ZNF536: variants seen among roughly 807,000 people sequenced by gnomAD.
ZNF536 encodes zinc finger protein 536.
Under a neutral mutation model 84.5 loss-of-function variants are expected in ZNF536, and 13 were observed. The observed-to-expected ratio is 0.15, with a 90% CI of 0.10 to 0.24. The LOEUF (loss-of-function observed/expected upper bound fraction) is 0.24, where lower values mean the gene tolerates loss of function less well. Ranked by LOEUF, ZNF536 falls within the 10% of genes least tolerant of loss-of-function variation. The pLI, the probability that ZNF536 is intolerant of heterozygous loss-of-function variation, is 1.00. For synonymous variants in ZNF536, 811 were observed against 742.5 expected (o/e 1.09, Z -1.50); for missense variants, 1,536 against 1,747.5 (o/e 0.88, Z 2.16).
chr19:30,426,445 T>G (rs1223502289), intron 1 of ZNF536, among the ~76,000 whole-genome samples: 1 of 152,184 alleles, frequency 6.6e-6, no homozygotes, highest in Non-Finnish European at 1.5e-5. Flanking sequence ...GGGAAGGTTT[T>G]GGTCCTTATT....
intron 2 of ZNF536, among the ~76,000 whole-genome samples, chr19:30,343,925 T>G (rs2047645116): frequency 6.6e-6 from 1 of 152,072 alleles, no homozygotes; most frequent in Non-Finnish European, 1.5e-5. Context: ...CCTGTTTCAG[T>G]CCTTAAAAAA....
upstream of ZNF536, among the ~76,000 whole-genome samples, chr19:30,370,984 G>C (rs917683953): frequency 6.6e-6 from 1 of 152,192 alleles, no homozygotes; most frequent in Non-Finnish European, 1.5e-5. Flanking sequence ...TCAAGAAGCT[G>C]TTATGGTATT....
At chr19:30,226,196 G>A (rs1047405061), upstream of ZNF536, among the ~76,000 whole-genome samples, 190 of 151,356 alleles carry the variant, frequency 1.3e-3, no homozygotes, top group African/African-American at 4.5e-3. This position sits in a 1 kb window ranked among gnomAD's most constrained non-coding sequence, Gnocchi z 4.6. Context: ...CTCAGGCCCC[G>A]GGAAACTTTC....
At position 30,445,407 on chromosome 19, in the gene ZNF536, T is replaced by A. The variant is rs1404177118; in HGVS notation, c.1845T>A (p.Thr615=). 1 of 1,613,856 alleles carries A rather than the reference T, an allele frequency of 6.2e-7. No individual in the cohort carries two copies. The highest frequency in any genetic ancestry group is 8.5e-7 in the Non-Finnish European group (1 of 1,179,990). Residue 615 remains threonine, a synonymous_variant, in exon 2 of 5, where the codon ACT becomes ACA. Coordinates refer to ENST00000355537, the MANE Select transcript of ZNF536 (RefSeq NM_014717.3). This position sits in a 1 kb window ranked among gnomAD's most constrained non-coding sequence, Gnocchi z 4.5. Reference sequence around the variant, plus strand: ...TTTTGTCACACGGGCTGAACCAGACTCTCGAGTATAACCTGCAGGGTCCTG... The same window carrying A: ...TTTTGTCACACGGGCTGAACCAGACACTCGAGTATAACCTGCAGGGTCCTG... The part of the protein sequence containing the change: ...RDFLSHGLNQ[T]LEYNLQGPGN...
intron 1 of ZNF536, among the ~76,000 whole-genome samples, chr19:30,250,667 A>G (rs915588176): frequency 3.9e-5 from 6 of 152,188 alleles, no homozygotes; most frequent in Admixed American, 2.0e-4. Context: ...GAGCTGAGTA[A>G]TGTGCAGACA....
chr19:30,491,201 A>G (rs2054496012), intron 2 of ZNF536, among the ~76,000 whole-genome samples: 1 of 152,190 alleles, frequency 6.6e-6, no homozygotes. Flanking sequence ...ACTCCCCATA[A>G]ACTCCTTTAA....
chr19:30,682,728 C>T (rs2051025975), intron 1 of ZNF536, among the ~76,000 whole-genome samples: 1 of 152,104 alleles, frequency 6.6e-6, no homozygotes, highest in African/African-American at 2.4e-5. Flanking sequence ...GGATGAAGAA[C>T]GGGGTGGTGG....
intron 2 of ZNF536, among the ~76,000 whole-genome samples, chr19:30,468,175 C>T (rs1400751523): frequency 6.6e-6 from 1 of 152,232 alleles, no homozygotes; most frequent in Non-Finnish European, 1.5e-5. Flanking sequence ...TCAGACCTCC[C>T]CTTCAAGCTT....
rs1244487510 is a variant in ZNF536, at chr19:30,258,510, G to A, written c.-189-25562G>A. Among the ~76,000 whole-genome samples the A allele has an allele frequency of 2.0e-5, 3 of 152,294 alleles. No individual in the cohort carries two copies. In the East Asian group the frequency reaches 5.8e-4, roughly 29 times the overall value. The stretch of plus-strand genomic sequence containing the variant: ...TGAACATGCCTCTGGCATAGAAACG[G>A]AAAGTACATTAACTGTGTTATGGAA... On this transcript the variant is annotated intron_variant, in intron 1 of 5. Transcript: ENST00000585628.
chr19:30,654,620 G>A (rs56226925), intron 1 of ZNF536, among the ~76,000 whole-genome samples: 36,067 of 152,104 alleles, frequency 0.24, 5,304 homozygotes, highest in African/African-American at 0.41. Flanking sequence ...TTCCCTGGGC[G>A]GTGGCTATCT....
At chr19:30,541,173 G>A (rs112919263) in intron 3 of ZNF536, among the ~76,000 whole-genome samples, 14 of 152,320 alleles carry the variant, frequency 9.2e-5, no homozygotes, top group African/African-American at 3.4e-4. Context: ...GAAACTTCCA[G>A]CCGGCCCCAT....
chr19:30,545,106 G>T (rs1187402624), intron 3 of ZNF536, among the ~76,000 whole-genome samples: 1 of 152,202 alleles, frequency 6.6e-6, no homozygotes, highest in Non-Finnish European at 1.5e-5. Context: ...CCGAAACCAA[G>T]TTTGCATCTT....
rs1423484420 is a variant in ZNF536, at chr19:30,620,867, C to A, written c.169+71353C>A. On this transcript the variant is annotated intron_variant, in intron 1 of 1. Coordinates refer to the ZNF536 transcript ENST00000592773. Reference sequence around the variant, plus strand: ...CTCATAATAATGTGCTACCCCAATTCTGGCAAAAAAAAAAAAATTGAAAAG... The same window carrying A: ...CTCATAATAATGTGCTACCCCAATTATGGCAAAAAAAAAAAAATTGAAAAG... Among the ~76,000 whole-genome samples the A allele has an allele frequency of 4.3e-4, 65 of 150,486 alleles. 1 individual carries two copies. Among genetic ancestry groups the A allele is most frequent in the Non-Finnish European group, 1.9e-4 (13 of 67,736 alleles).
intron 1 of ZNF536, among the ~76,000 whole-genome samples, chr19:30,262,193 C>G (rs1433857867): frequency 6.6e-6 from 1 of 152,258 alleles, no homozygotes. Context: ...CCTCTGTTAG[C>G]AGGAGACTCC....
intron 1 of ZNF536, among the ~76,000 whole-genome samples, chr19:30,635,056 G>A (rs1442493086): frequency 7.1e-6 from 1 of 140,964 alleles, no homozygotes; most frequent in Non-Finnish European, 1.5e-5. Flanking sequence ...GGCTGGGAGA[G>A]AAGAAAGCTG....
intron 3 of ZNF536, among the ~76,000 whole-genome samples, chr19:30,361,871 T>C (rs2048285720): frequency 6.6e-6 from 1 of 152,198 alleles, no homozygotes; most frequent in African/African-American, 2.4e-5. Flanking sequence ...CGCTGTGACT[T>C]TGCCTTTTGT....
At chr19:30,406,553 A>G (rs185272662) in intron 1 of ZNF536, among the ~76,000 whole-genome samples, 25 of 152,316 alleles carry the variant, frequency 1.6e-4, no homozygotes, top group African/African-American at 5.5e-4. Flanking sequence ...GCGTATTTTT[A>G]GCTCCAAGCA....
At chr19:30,664,397 G>A (rs1213937388) in intron 1 of ZNF536, among the ~76,000 whole-genome samples, 1 of 152,090 alleles carries the variant, frequency 6.6e-6, no homozygotes, top group Non-Finnish European at 1.5e-5. Context: ...GGAACCTGCA[G>A]TCCTGGCATT....
chr19:30,565,512 A>T (rs1416090066), intron 1 of ZNF536, among the ~76,000 whole-genome samples: 1 of 152,186 alleles, frequency 6.6e-6, no homozygotes, highest in Non-Finnish European at 1.5e-5. Context: ...AACCCATTTT[A>T]TGAATGAGGA....
Sources: gnomAD v4.1 joint callset for allele counts (sites outside exome capture counted in the v4.1 genomes callset) on GRCh38, gnomAD v4.1.1 for gene constraint, Gnocchi (gnomAD v3.1) non-coding constraint, MANE v1.5 for transcripts, NCBI Gene and HGNC (gene_info 2026-07-23, HGNC 2026-07-21) for gene names.